The following MED14 variants were observed in gnomAD, a reference collection of about 807,000 sequenced individuals.
MED14 encodes the protein mediator complex subunit 14.
In MED14, 8 loss-of-function variants were observed where a neutral mutation model predicts 109.0. That is an observed-to-expected ratio of 0.07 (90% CI 0.04 to 0.13). The LOEUF (loss-of-function observed/expected upper bound fraction) is 0.13. Among genes scored for constraint, MED14 ranks in the 10% least tolerant of loss-of-function variants. MED14 has a pLI of 1.00. For missense variants in MED14, 711 were observed against 1,142.4 expected, an observed-to-expected ratio of 0.62 and a Z score of 5.44; for synonymous variants, 399 against 408.7, an observed-to-expected ratio of 0.98 and a Z score of 0.29.
At chrX:40,663,975 G>A (rs944548452) in intron 25 of MED14, among the ~76,000 whole-genome samples, 6 of 110,998 alleles carry the variant, frequency 5.4e-5, no homozygotes, top group African/African-American at 1.3e-4. Context: ...GGAAAGACAC[G>A]GCACAATTAG....
Position 40,671,933 on chromosome X carries a change from G to C in MED14, c.3061C>G (p.Leu1021Val). ...KQPGTSGAYPLTSPPTSYHST... is the reference protein window; with the variant it reads ...KQPGTSGAYPVTSPPTSYHST... ...TGATAAGATGTAGGGGGTGAAGTAA[G>C]AGGATAAGCACCTGATGTTCCTGGC... Residue 1021 changes from leucine (L) to valine (V), a missense_variant, in exon 23 of 31, where the codon CTT (leucine) becomes GTT (valine). By Grantham distance (32) the Leu-to-Val change is conservative. Transcript: ENST00000324817. 8.3e-7 allele frequency: 1 copy of C among 1,207,126 alleles called. No individual in the cohort carries two copies. Among genetic ancestry groups the C allele is most frequent in the Non-Finnish European group, 1.1e-6 (1 of 892,764 alleles).
At chrX:40,678,596 A>G (rs1452038769) in intron 21 of MED14, among the ~76,000 whole-genome samples, 1 of 110,907 alleles carries the variant, frequency 9.0e-6, no homozygotes, top group Non-Finnish European at 1.9e-5. Context: ...GGGGGAAAGC[A>G]CACATAAAAA....
chrX:40,727,492 CAT>C (rs1365743038), intron 2 of MED14, among the ~76,000 whole-genome samples: 1 of 111,449 alleles, frequency 9.0e-6, no homozygotes, highest in Non-Finnish European at 1.9e-5. Context: ...AAGGTCTGTC[CAT>C]ATCTAGTTTT....
intron 25 of MED14, among the ~76,000 whole-genome samples, chrX:40,664,014 A>G (rs1929386743): frequency 1.8e-5 from 2 of 110,721 alleles, no homozygotes; most frequent in Non-Finnish European, 3.8e-5. Context: ...CCCACCCCCA[A>G]AGTTGATCAC....
At chrX:40,674,268 C>T (rs1347227100) in intron 22 of MED14, among the ~76,000 whole-genome samples, 1 of 111,377 alleles carries the variant, frequency 9.0e-6, no homozygotes, top group Non-Finnish European at 1.9e-5. Context: ...AGAAGGGAAA[C>T]AGTGACAAGG....
intron 14 of MED14, 37 bp from the exon 15 acceptor site, chrX:40,692,354 A>C (rs1364761266): frequency 9.3e-7 from 1 of 1,075,864 alleles, no homozygotes; most frequent in African/African-American, 1.9e-5. Flanking sequence ...AGGTAAAAAA[A>C]AAAAAAAAAG....
chrX:40,698,092 C>A (rs1381826520), intron 12 of MED14, among the ~76,000 whole-genome samples: 1 of 111,993 alleles, frequency 8.9e-6, no homozygotes. Flanking sequence ...GAAAATATAC[C>A]ATCACTTGCT....
intron 21 of MED14, among the ~76,000 whole-genome samples, 165 bp from the exon 22 acceptor site, chrX:40,675,526 A>T (rs771101236): frequency 4.1e-4 from 46 of 112,363 alleles, no homozygotes; most frequent in Non-Finnish European, 5.4e-4. Context: ...CGGGAAACTG[A>T]GGAAAACAGT....
chrX:40,666,420 T>C (rs1205793263), intron 24 of MED14, among the ~76,000 whole-genome samples: 1 of 109,150 alleles, frequency 9.2e-6, no homozygotes, highest in Non-Finnish European at 1.9e-5. Context: ...ACAAGCAGCT[T>C]GGTAGACAGC....
At chrX:40,673,619 G>A (rs1929805454) in intron 22 of MED14, among the ~76,000 whole-genome samples, 1 of 110,685 alleles carries the variant, frequency 9.0e-6, no homozygotes, top group South Asian at 3.8e-4. Flanking sequence ...GGCCAAGGCG[G>A]GCAGATTACC....
Position 40,735,353 on chromosome X carries a change from G to A in MED14, c.60C>T (p.Gly20=), listed in dbSNP as rs768911072. 1.5e-4 allele frequency: 158 copies of A among 1,064,214 alleles called. No homozygotes were observed. The African/African-American group carries it at 2.8e-3, about 19-fold the overall frequency. The allele number at this position is 1,064,214 out of a possible 1,213,427, so 87.7% of individuals were successfully genotyped here. The part of the protein sequence containing the change: ...QLVPPGGGGG[G]SGGPPSAPAP... ...CTGGGGCTGACGGGGGTCCGCCGCT[G>A]CCCCCGCCGCCGCCTCCGGGCGGGA... The change falls in exon 1 of 31, where the codon GGC becomes GGT. Residue 20 remains glycine (G), a synonymous_variant. Transcript: ENST00000324817.
At chrX:40,679,319 C>T (rs1409945037) in intron 21 of MED14, among the ~76,000 whole-genome samples, 2 of 111,446 alleles carry the variant, frequency 1.8e-5, no homozygotes, top group African/African-American at 6.5e-5. Context: ...CCAGCCAGGC[C>T]AACATAGTGA....
chrX:40,732,844 T>C (rs1021339961), intron 1 of MED14, among the ~76,000 whole-genome samples: 2 of 110,114 alleles, frequency 1.8e-5, no homozygotes, highest in African/African-American at 6.6e-5. Flanking sequence ...AGAGGAGAGT[T>C]TCAGGACATG....
intron 22 of MED14, among the ~76,000 whole-genome samples, chrX:40,672,321 T>C (rs1469821386): frequency 8.9e-6 from 1 of 112,240 alleles, no homozygotes; most frequent in Non-Finnish European, 1.9e-5. Flanking sequence ...CCCCACACTT[T>C]AATATCTCTA....
chrX:40,678,656 T>C (rs970451205), intron 21 of MED14, among the ~76,000 whole-genome samples: 1 of 109,371 alleles, frequency 9.1e-6, no homozygotes, highest in Non-Finnish European at 1.9e-5. Flanking sequence ...ACCCCATCTC[T>C]ACAAAAAATA....
chrX:40,702,423 T>C (rs778148755), intron 11 of MED14, among the ~76,000 whole-genome samples: 56 of 100,343 alleles, frequency 5.6e-4, no homozygotes, highest in African/African-American at 2.1e-3. Context: ...CTCGGCTCAC[T>C]GCAATCTCCG....
rs142836848 is a variant in MED14 at position 40,706,115 on chromosome X, T to C, written c.1286-2546A>G. On this transcript the variant is annotated intron_variant, in intron 10 of 30. Transcript: ENST00000324817. The stretch of plus-strand genomic sequence containing the variant: ...AGGTGTTAGAAGAAAAGCCAGCTGA[T>C]TTAAGGGTGACTGCGCTAAGGGATT... 5.4e-3 allele frequency among the ~76,000 whole-genome samples: 606 copies of C among 111,508 alleles called. 3 individuals carry two copies. Among genetic ancestry groups the C allele is most frequent in the African/African-American group, 0.019 (569 of 30,679 alleles).
intron 3 of MED14, among the ~76,000 whole-genome samples, chrX:40,719,173 T>C (rs1931636027): frequency 8.9e-6 from 1 of 112,182 alleles, no homozygotes; most frequent in Non-Finnish European, 1.9e-5. Flanking sequence ...TTGGCATAGA[T>C]GTGGAGAAAC....
Position 40,712,999 on chromosome X carries a change from G to T in MED14, c.696C>A (p.Ala232=), listed in dbSNP as rs142748022. 5.0e-3 allele frequency: 5,941 copies of T among 1,182,732 alleles called. 14 individuals are homozygous for T. The highest frequency in any genetic ancestry group is 0.013 in the Middle Eastern group (54 of 4,218). ...VKFRVEGEFE[A]TLTVMGDDPD... is the part of the protein sequence containing the mutation. ...GGTCATCTCCCATCACAGTCAAGGT[G>T]GCTTCAAATTCTCCTTCAACACGAA... is the stretch of plus-strand genomic sequence containing the variant. Residue 232 remains alanine (A), a synonymous_variant, in exon 6 of 31, where the codon GCC becomes GCA. Coordinates refer to ENST00000324817, the MANE Select transcript of MED14 (RefSeq NM_004229.4).
Sources: gnomAD v4.1 joint callset for allele counts (sites outside exome capture counted in the v4.1 genomes callset) on GRCh38, gnomAD v4.1.1 for gene constraint, MANE v1.5 for transcripts, NCBI Gene and HGNC (gene_info 2026-07-23, HGNC 2026-07-21) for gene names.